Variants in DIDO1 observed in about 807,000 individuals in gnomAD.
DIDO1 encodes the protein death inducer-obliterator 1.
Under a neutral mutation model 99.4 loss-of-function variants are expected in DIDO1, and 16 were observed. The ratio of observed to expected loss-of-function variants is 0.16; its 90% CI spans 0.11 to 0.24. DIDO1 has a LOEUF of 0.24. Ranked by LOEUF, DIDO1 falls within the 10% of genes least tolerant of loss-of-function variation. DIDO1 has a pLI of 1.00. For synonymous variants in DIDO1, 1,366 were observed against 1,239.1 expected (o/e 1.10, Z -2.15); for missense variants, 2,996 against 3,014.0 (o/e 0.99, Z 0.14).
At chr20:62,934,013 A>G (rs1864004091) in intron 1 of DIDO1, among the ~76,000 whole-genome samples, 1 of 152,170 alleles carries the variant, frequency 6.6e-6, no homozygotes, top group African/African-American at 2.4e-5. Context: ...CCCTCAGCTG[A>G]CTGTAAGGGC....
chr20:62,935,733 C>T (rs929200701), intron 1 of DIDO1, among the ~76,000 whole-genome samples: 4 of 152,180 alleles, frequency 2.6e-5, no homozygotes, highest in African/African-American at 9.7e-5. Flanking sequence ...ACTGGGGAGT[C>T]CCCAAGGGAT....
chr20:62,925,690 C>T (rs1161185085), intron 1 of DIDO1, among the ~76,000 whole-genome samples: 13 of 152,246 alleles, frequency 8.5e-5, no homozygotes, highest in Non-Finnish European at 1.5e-5. Flanking sequence ...AGAAGGAGCC[C>T]CGGACGCCGC....
chr20:62,936,763 C>G (rs1294708467), intron 1 of DIDO1, among the ~76,000 whole-genome samples: 2 of 152,014 alleles, frequency 1.3e-5, no homozygotes, highest in Non-Finnish European at 2.9e-5. Context: ...ACTCGGGAGG[C>G]TGAGGCAGGA....
chr20:62,906,369 A>AT (rs1600983318), intron 5 of DIDO1, among the ~76,000 whole-genome samples: 1 of 152,176 alleles, frequency 6.6e-6, no homozygotes, highest in East Asian at 1.9e-4. Context: ...TGCAACCCTG[A>AT]TGAGGTGCCA....
At position 62,881,967 on chromosome 20, in the gene DIDO1, G is replaced by C; in HGVS notation, c.3989C>G (p.Pro1330Arg). 4.3e-6 allele frequency: 7 copies of C among 1,613,390 alleles called. No individual in the cohort carries two copies. The highest frequency in any genetic ancestry group is 5.9e-6 in the Non-Finnish European group (7 of 1,180,032). Residue 1330 changes from proline (P) to arginine (R), a missense_variant, in exon 16 of 16, where the codon CCG (proline) becomes CGG (arginine). Physicochemically the swap from Pro to Arg is moderately radical, Grantham distance 103 (BLOSUM62 -2). Around this residue, in one of 5 missense-constraint regions of DIDO1, gnomAD observed 1,562 missense variants for 1,412.6 expected, o/e 1.11. Transcript: ENST00000395343. The surrounding 1 kb of genome is among the most constrained non-coding windows in gnomAD (Gnocchi z 8.3). Reference sequence around the variant, plus strand: ...GGACCCGGGAGGCTCTCTGGCGGACGGGTCGAATGATTTCTTCTTTCCAAA... The same window carrying C: ...GGACCCGGGAGGCTCTCTGGCGGACCGGTCGAATGATTTCTTCTTTCCAAA... The part of the protein sequence containing the change: ...TLFGKKKSFD[P>R]SAREPPGSTA...
chr20:62,884,876 G>A (rs1324145955), intron 15 of DIDO1, among the ~76,000 whole-genome samples: 5 of 152,166 alleles, frequency 3.3e-5, no homozygotes, highest in African/African-American at 9.7e-5. Flanking sequence ...AGAGGAGGAG[G>A]GAAGCAGGAA....
intron 15 of DIDO1, chr20:62,887,763 G>A (rs1038336593): frequency 7.1e-6 from 7 of 985,352 alleles, no homozygotes; most frequent in Admixed American, 6.2e-5. Flanking sequence ...GAGACAGGCC[G>A]GGACTCTGCG....
intron 15 of DIDO1, chr20:62,888,588 CT>C: frequency 1.0e-6 from 1 of 985,568 alleles, no homozygotes. Flanking sequence ...TGTCCAAGGG[CT>C]TCTGGGCTAT....
In DIDO1 at chr20:62,881,975, T is replaced by A; in HGVS notation, c.3981A>T (p.Ser1327=). Residue 1327 remains serine (S), a synonymous_variant, in exon 16 of 16, where the codon TCA becomes TCT. Coordinates refer to ENST00000395343, the MANE Select transcript of DIDO1 (RefSeq NM_001193369.2). The surrounding 1 kb of genome is among the most constrained non-coding windows in gnomAD (Gnocchi z 8.3). ...ILQTLFGKKK[S]FDPSAREPPG... is the part of the protein sequence containing the mutation. ...GAGGCTCTCTGGCGGACGGGTCGAA[T>A]GATTTCTTCTTTCCAAAGAGAGTCT... The A allele has an allele frequency of 6.2e-7, 1 of 1,613,418 alleles. No individual in the cohort carries two copies. Among genetic ancestry groups the A allele is most frequent in the South Asian group, 1.1e-5 (1 of 91,082 alleles).
chr20:62,901,373 TG>T (rs1283263777), intron 6 of DIDO1, among the ~76,000 whole-genome samples: 1 of 152,220 alleles, frequency 6.6e-6, no homozygotes, highest in Non-Finnish European at 1.5e-5. Context: ...CGTGGACAGA[TG>T]GACGTTCCAC....
chr20:62,935,705 G>A (rs1175111876), intron 1 of DIDO1, among the ~76,000 whole-genome samples: 4 of 152,330 alleles, frequency 2.6e-5, no homozygotes, highest in South Asian at 2.1e-4. Flanking sequence ...TTATAGCTGC[G>A]CTAACTTTAC....
intron 15 of DIDO1, 36 bp downstream of exon 15, chr20:62,890,924 G>A: frequency 6.2e-7 from 1 of 1,612,554 alleles, no homozygotes; most frequent in Non-Finnish European, 8.5e-7. Flanking sequence ...GCAGGTGCAG[G>A]TGGGCCTCAC....
intron 1 of DIDO1, among the ~76,000 whole-genome samples, chr20:62,917,688 G>C (rs1483850649): frequency 6.6e-6 from 1 of 152,134 alleles, no homozygotes; most frequent in Admixed American, 6.5e-5. Context: ...AAGTAAAAAA[G>C]ATGTATGTTT....
At chr20:62,927,067 T>A (rs933604911), upstream of DIDO1, among the ~76,000 whole-genome samples, 1 of 151,812 alleles carries the variant, frequency 6.6e-6, no homozygotes, top group Non-Finnish European at 1.5e-5. Flanking sequence ...CCCTACCTGC[T>A]GCCTCCCCAC....
chr20:62,880,078 TG>T lies in DIDO1; in HGVS notation c.5877del (p.Arg1960GlyfsTer59). The stretch of plus-strand genomic sequence containing the variant: ...TCGAACTGCTGAGGCTGAATGCCCC[TG>T]GGACCTGGCATAAAGTTAGGCGCTT... ...RGQAPNFMPG[P>X]RGIQPQQFED... On this transcript the variant is annotated frameshift_variant, in exon 16 of 16. Transcript: ENST00000395343. LOFTEE classifies it low-confidence loss of function (END_TRUNC). 1 of 1,612,098 alleles carries T rather than the reference TG, an allele frequency of 6.2e-7. No individual in the cohort carries two copies.
At chr20:62,933,910 T>C (rs1459728722) in intron 1 of DIDO1, among the ~76,000 whole-genome samples, 1 of 152,202 alleles carries the variant, frequency 6.6e-6, no homozygotes, top group East Asian at 1.9e-4. Context: ...TTAGCACTCC[T>C]CTTTCTGTTC....
chr20:62,929,692 A>AAAAAAAAAATAT, upstream of DIDO1, among the ~76,000 whole-genome samples: 11 of 63,736 alleles, frequency 1.7e-4, 2 homozygotes, highest in African/African-American at 7.6e-4. Flanking sequence ...AAAAAGAAAA[A>AAAAAAAAAATAT]GTGTATATAT....
At position 62,935,441 on chromosome 20, in the gene DIDO1, T is replaced by C. The variant is rs946524788; in HGVS notation, c.-200+2355A>G. On this transcript the variant is annotated intron_variant, in intron 1 of 15. Transcript: ENST00000266070. ...CATCAGACAGCAACCACACGGACCG[T>C]GTGCTAAGAGCTACGAAGAGCTAAG... Among the ~76,000 whole-genome samples, 8 of 152,108 alleles carry C rather than the reference T, an allele frequency of 5.3e-5. No homozygotes were observed. The South Asian group carries it at 1.7e-3, about 32-fold the overall frequency.
intron 15 of DIDO1, chr20:62,887,873 C>T (rs767163332): frequency 3.7e-4 from 364 of 985,474 alleles, no homozygotes; most frequent in Middle Eastern, 2.6e-3. Flanking sequence ...TCCCAGCTGC[C>T]CCCCACCGTG....
Sources: gnomAD v4.1 joint callset for allele counts (sites outside exome capture counted in the v4.1 genomes callset) on GRCh38, gnomAD v4.1.1 for gene constraint, gnomAD v4.1.1 regional missense constraint, Gnocchi (gnomAD v3.1) non-coding constraint, MANE v1.5 for transcripts, NCBI Gene and HGNC (gene_info 2026-07-23, HGNC 2026-07-21) for gene names.